XPR1: variants seen among roughly 807,000 people sequenced by gnomAD.
The protein encoded by XPR1 is solute carrier family 53 member 1.
XPR1 carries 28 observed loss-of-function variants against 87.5 expected under a neutral mutation model. That is an observed-to-expected ratio of 0.32 (90% CI 0.24 to 0.44). The LOEUF (loss-of-function observed/expected upper bound fraction) is 0.44, where lower values mean the gene tolerates loss of function less well. Among genes scored for constraint, XPR1 ranks in the 20% least tolerant of loss-of-function variants. The pLI is 1.00. For missense variants in XPR1, 559 were observed against 862.3 expected (o/e 0.65, Z 4.41); for synonymous variants, 300 against 306.1 (o/e 0.98, Z 0.21).
Position 180,728,027 on chromosome 1 carries a change from T to A in XPR1, c.121+45616T>A, listed in dbSNP as rs946170388. Among the ~76,000 whole-genome samples, 7 of 152,302 alleles carry A rather than the reference T, an allele frequency of 4.6e-5. No individual in the cohort carries two copies. The East Asian group carries it at 1.4e-3, about 29-fold the overall frequency. On this transcript the variant is annotated intron_variant, in intron 2 of 14. Transcript: ENST00000367590. ...TCCTGTGACTTAGAATGCTTAACCA[T>A]CTGGGAATGCAGCCCAGTAGGTTTC... is the stretch of plus-strand genomic sequence containing the variant.
intron 1 of XPR1, among the ~76,000 whole-genome samples, chr1:180,640,605 C>T (rs1162081854): frequency 6.6e-6 from 1 of 151,868 alleles, no homozygotes; most frequent in Non-Finnish European, 1.5e-5. Flanking sequence ...AATGGCGGGT[C>T]TATTTTTAGT....
intron 2 of XPR1, among the ~76,000 whole-genome samples, chr1:180,776,655 G>T (rs1648738221): frequency 6.6e-6 from 1 of 152,080 alleles, no homozygotes; most frequent in South Asian, 2.1e-4. Context: ...AAAATCATTT[G>T]AAAACCACTG....
intron 3 of XPR1, among the ~76,000 whole-genome samples, chr1:180,798,407 G>A (rs1027594684): frequency 6.6e-6 from 1 of 152,008 alleles, no homozygotes. Context: ...AACACAAATC[G>A]ATAAAGAGAA....
chr1:180,644,818 A>G (rs989955896), intron 1 of XPR1, among the ~76,000 whole-genome samples: 3 of 151,908 alleles, frequency 2.0e-5, no homozygotes, highest in Non-Finnish European at 4.4e-5. Context: ...TTATATTTAC[A>G]TTGTAGTATA....
intron 2 of XPR1, among the ~76,000 whole-genome samples, chr1:180,770,628 T>C (rs1648478640): frequency 6.6e-6 from 1 of 152,206 alleles, no homozygotes; most frequent in African/African-American, 2.4e-5. Flanking sequence ...TGAAGGTTGC[T>C]CAGAGTATCT....
intron 2 of XPR1, among the ~76,000 whole-genome samples, chr1:180,714,420 C>CTG (rs1213851983): frequency 6.8e-6 from 1 of 147,466 alleles, no homozygotes; most frequent in Non-Finnish European, 1.5e-5. Flanking sequence ...GTCTGTCTGT[C>CTG]TGTCTGTCTC....
At chr1:180,848,100 G>C (rs886157516) in intron 11 of XPR1, among the ~76,000 whole-genome samples, 2 of 152,076 alleles carry the variant, frequency 1.3e-5, no homozygotes, top group African/African-American at 2.4e-5. Flanking sequence ...AGGGTACATA[G>C]TGATGTTCTG....
chr1:180,803,443 A>G lies in XPR1; in HGVS notation c.279A>G (p.Ser93=), dbSNP rs1295960117. The stretch of plus-strand genomic sequence containing the variant: ...CTACACTTCAGAATGAGCTTCAGTC[A>G]TCACTGGATGCACAGAAAGAAAGCA... The part of the protein sequence containing the change: ...RFATLQNELQ[S]SLDAQKESTG... Residue 93 remains serine (S), a synonymous_variant, in exon 4 of 15, where the codon TCA becomes TCG. Transcript: ENST00000367590. 1 of 1,614,124 alleles carries G rather than the reference A, an allele frequency of 6.2e-7. No individual in the cohort carries two copies. The highest frequency in any genetic ancestry group is 8.5e-7 in the Non-Finnish European group (1 of 1,180,002).
chr1:180,797,131 G>A (rs576366835), intron 3 of XPR1, among the ~76,000 whole-genome samples: 1 of 152,242 alleles, frequency 6.6e-6, no homozygotes, highest in African/African-American at 2.4e-5. Context: ...TCAATGAATT[G>A]CATGTTTACA....
chr1:180,885,030 G>A lies in XPR1; in HGVS notation c.*964G>A, dbSNP rs570547482. ...TAAGGAACAGATGTGGAATACACTG[G>A]CCCATATTTCAACCTTAACAGCTGA... is the stretch of plus-strand genomic sequence containing the variant. On this transcript the variant is annotated 3_prime_UTR_variant, in exon 15 of 15. Transcript: ENST00000367590. The A allele has an allele frequency of 6.6e-6, 1 of 152,462 alleles. No homozygotes were observed. The highest frequency in any genetic ancestry group is 1.9e-4 in the East Asian group (1 of 5,174). The allele number at this position is 152,462 out of a possible 1,614,324, so 9.4% of individuals were successfully genotyped here.
chr1:180,836,753 C>A, intron 11 of XPR1, 37 bp downstream of exon 11: 1 of 1,604,408 alleles, frequency 6.2e-7, no homozygotes, highest in Non-Finnish European at 8.5e-7. Flanking sequence ...TTTTTTTAAA[C>A]CTGGATTTTT....
At chr1:180,782,769 C>A (rs568879912) in intron 2 of XPR1, among the ~76,000 whole-genome samples, 17 of 151,950 alleles carry the variant, frequency 1.1e-4, no homozygotes, top group Non-Finnish European at 2.1e-4. Context: ...CCATGTAGCA[C>A]GTAGTAGTCA....
chr1:180,656,406 T>C lies in XPR1; in HGVS notation c.69+24136T>C, dbSNP rs190514143. On this transcript the variant is annotated intron_variant, in intron 1 of 14. Transcript: ENST00000367590. ...ATTCATGTATTTATATATAAATATT[T>C]ATATATTTATATATAAATATTTATA... 1.4e-3 allele frequency among the ~76,000 whole-genome samples: 55 copies of C among 40,444 alleles called. 1 individual carries two copies. Among genetic ancestry groups the C allele is most frequent in the African/African-American group, 7.3e-3 (51 of 6,940 alleles). The allele number at this position is 40,444 out of a possible 152,430, so 26.5% of individuals were successfully genotyped here. A position where few individuals can be genotyped will look rare whatever the true frequency, so the allele number is the denominator to read the frequency against.
chr1:180,722,671 A>T (rs913605899), intron 2 of XPR1, among the ~76,000 whole-genome samples: 3 of 152,202 alleles, frequency 2.0e-5, no homozygotes, highest in Admixed American at 1.3e-4. Flanking sequence ...GCCTAAGAAA[A>T]CTAAATGATC....
intron 11 of XPR1, among the ~76,000 whole-genome samples, chr1:180,838,817 C>A (rs1472559926): frequency 6.6e-6 from 1 of 152,056 alleles, no homozygotes; most frequent in African/African-American, 2.4e-5. Context: ...GTTTTAATGA[C>A]TTGTCTGCTA....
At chr1:180,686,735 A>T (rs1656792977) in intron 2 of XPR1, among the ~76,000 whole-genome samples, 1 of 152,202 alleles carries the variant, frequency 6.6e-6, no homozygotes. Flanking sequence ...CTATGAAGTT[A>T]TTCTAGTGAC....
chr1:180,642,768 T>G (rs1654999370), intron 1 of XPR1, among the ~76,000 whole-genome samples: 1 of 152,174 alleles, frequency 6.6e-6, no homozygotes, highest in Admixed American at 6.5e-5. Context: ...GTACTGTGAT[T>G]ATGTTATAGA....
At chr1:180,852,259 G>A (rs1186596744) in intron 11 of XPR1, among the ~76,000 whole-genome samples, 2 of 151,946 alleles carry the variant, frequency 1.3e-5, no homozygotes, top group Non-Finnish European at 2.9e-5. Flanking sequence ...CACATGCATG[G>A]CAAGAAGTAA....
At chr1:180,837,154 G>A (rs1190540038) in intron 11 of XPR1, among the ~76,000 whole-genome samples, 1 of 152,096 alleles carries the variant, frequency 6.6e-6, no homozygotes, top group Non-Finnish European at 1.5e-5. Context: ...TGCAAATTGA[G>A]TTCTCTGATT....
Sources: gnomAD v4.1 joint callset for allele counts (sites outside exome capture counted in the v4.1 genomes callset) on GRCh38, gnomAD v4.1.1 for gene constraint, MANE v1.5 for transcripts, NCBI Gene and HGNC (gene_info 2026-07-23, HGNC 2026-07-21) for gene names.